The following RAD51B variants were observed in gnomAD, a reference collection of about 807,000 sequenced individuals.
The protein encoded by RAD51B is DNA repair protein RAD51 homolog 2.
A neutral mutation model predicts 42.2 loss-of-function variants in RAD51B; 38 were observed. That is an observed-to-expected ratio of 0.90 (90% confidence interval 0.70 to 1.18). RAD51B has a LOEUF of 1.18. Among genes scored for constraint, RAD51B ranks in the 50% most tolerant of loss-of-function variants. The probability of loss-of-function intolerance (pLI) is 0.00; values close to 1 mark genes in which losing one functional copy is unlikely to be tolerated. For synonymous variants in RAD51B, 154 were observed against 145.2 expected (o/e 1.06, Z -0.43); for missense variants, 373 against 400.7 (o/e 0.93, Z 0.59).
At chr14:68,405,216 C>T (rs960537945) in intron 8 of RAD51B, among the ~76,000 whole-genome samples, 1 of 152,176 alleles carries the variant, frequency 6.6e-6, no homozygotes, top group South Asian at 2.1e-4. Context: ...GTGCCTAGCA[C>T]ATAGTACCTT....
At chr14:67,960,288 T>C (rs954573827) in intron 7 of RAD51B, among the ~76,000 whole-genome samples, 4 of 152,238 alleles carry the variant, frequency 2.6e-5, no homozygotes, top group African/African-American at 9.6e-5. Flanking sequence ...CTCAACTTTA[T>C]AAATGGTTTG....
chr14:68,647,640 C>A (rs1892589070), intron 10 of RAD51B, among the ~76,000 whole-genome samples: 1 of 152,108 alleles, frequency 6.6e-6, no homozygotes, highest in African/African-American at 2.4e-5. Flanking sequence ...TTATATGGTG[C>A]TTTTGTGAAC....
At chr14:68,531,302 G>A (rs1594947467) in intron 10 of RAD51B, among the ~76,000 whole-genome samples, 1 of 152,248 alleles carries the variant, frequency 6.6e-6, no homozygotes, top group Non-Finnish European at 1.5e-5. Flanking sequence ...CTGATTAAAT[G>A]TGTCTATTAA....
chr14:68,554,209 C>A (rs1888716383), intron 10 of RAD51B, among the ~76,000 whole-genome samples: 1 of 152,176 alleles, frequency 6.6e-6, no homozygotes, highest in Non-Finnish European at 1.5e-5. Context: ...ATTAATGTGA[C>A]CATCTCTTCT....
chr14:68,424,508 T>C (rs377473521), intron 9 of RAD51B, among the ~76,000 whole-genome samples: 22 of 152,356 alleles, frequency 1.4e-4, no homozygotes, highest in African/African-American at 5.3e-4. Context: ...TTTGTAACTA[T>C]TTATGCAGTG....
intron 7 of RAD51B, among the ~76,000 whole-genome samples, chr14:68,290,188 A>G (rs2081488805): frequency 6.6e-6 from 1 of 152,208 alleles, no homozygotes; most frequent in Admixed American, 6.5e-5. Context: ...CAACAAAACC[A>G]TAGCTGACCC....
intron 10 of RAD51B, among the ~76,000 whole-genome samples, chr14:68,559,670 C>T (rs374238774): frequency 1.0e-3 from 155 of 152,254 alleles, no homozygotes; most frequent in Admixed American, 1.7e-3. Context: ...TGGGTCACTG[C>T]GCCCCCAGGA....
intron 10 of RAD51B, among the ~76,000 whole-genome samples, chr14:68,551,713 G>A (rs939606372): frequency 1.3e-5 from 2 of 152,184 alleles, no homozygotes; most frequent in African/African-American, 4.8e-5. Flanking sequence ...ATTTTAGACT[G>A]TGATATCCTT....
intron 8 of RAD51B, among the ~76,000 whole-genome samples, chr14:68,307,215 A>G (rs564841883): frequency 6.6e-6 from 1 of 152,312 alleles, no homozygotes; most frequent in African/African-American, 2.4e-5. Context: ...GCTCAAGGAA[A>G]TAAAGTGAAC....
intron 9 of RAD51B, among the ~76,000 whole-genome samples, chr14:68,417,487 T>C (rs1594806496): frequency 6.6e-6 from 1 of 152,192 alleles, no homozygotes; most frequent in Non-Finnish European, 1.5e-5. Context: ...ACAGAAGTGC[T>C]CTAACAGGTA....
intron 7 of RAD51B, among the ~76,000 whole-genome samples, chr14:68,018,009 G>A (rs995736887): frequency 1.3e-4 from 19 of 146,706 alleles, no homozygotes; most frequent in Admixed American, 2.0e-4. Context: ...AATTTTAACT[G>A]CAGAATTACC....
intron 7 of RAD51B, among the ~76,000 whole-genome samples, chr14:67,945,610 A>G (rs567676225): frequency 6.6e-6 from 1 of 152,228 alleles, no homozygotes; most frequent in East Asian, 1.9e-4. Context: ...AGCTGGGATT[A>G]CAGGCACACG....
intron 7 of RAD51B, among the ~76,000 whole-genome samples, chr14:68,285,858 T>C (rs1000799482): frequency 5.9e-5 from 9 of 152,176 alleles, no homozygotes; most frequent in Admixed American, 1.3e-4. Context: ...TAACCACATG[T>C]TATCAAGAGC....
In RAD51B at chr14:68,495,328, C is replaced by T. The variant is rs528576690; in HGVS notation, c.1036+27078C>T. ...TTTGTTCAGACCCCTTTGTCTTCCA[C>T]TGGCGCAACCGAGAGAGGATTCCTC... On this transcript the variant is annotated intron_variant, in intron 10 of 10. Coordinates refer to the RAD51B transcript ENST00000487270. Among the ~76,000 whole-genome samples, 47 of 152,322 alleles carry T rather than the reference C, an allele frequency of 3.1e-4. 2 individuals are homozygous for T. The South Asian group carries it at 5.4e-3, about 17-fold the overall frequency.
chr14:68,504,680 T>TTTTTTTTTTTTTTTA (rs58954673), intron 10 of RAD51B, among the ~76,000 whole-genome samples: 1 of 135,282 alleles, frequency 7.4e-6, no homozygotes, highest in African/African-American at 2.7e-5. Context: ...TTTTTTTTTT[T>TTTTTTTTTTTTTTTA]TTTTTTTGCT....
chr14:68,545,951 C>T (rs942393889), intron 10 of RAD51B, among the ~76,000 whole-genome samples: 1 of 152,298 alleles, frequency 6.6e-6, no homozygotes, highest in South Asian at 2.1e-4. Context: ...CCCATTATTT[C>T]CTACCCTGCA....
intron 7 of RAD51B, among the ~76,000 whole-genome samples, chr14:68,201,846 A>T (rs1385344632): frequency 6.6e-6 from 1 of 152,180 alleles, no homozygotes; most frequent in East Asian, 1.9e-4. Context: ...GGCATTTAAG[A>T]TATGTTGCCT....
At chr14:68,596,962 C>T (rs562903716), downstream of RAD51B, among the ~76,000 whole-genome samples, 9 of 152,332 alleles carry the variant, frequency 5.9e-5, no homozygotes, top group East Asian at 7.7e-4. Context: ...TTCTGGTTCA[C>T]GGTGAGATGG....
chr14:67,844,799 GT>G, intron 4 of RAD51B, among the ~76,000 whole-genome samples: 2 of 152,046 alleles, frequency 1.3e-5, no homozygotes, highest in African/African-American at 4.8e-5. Context: ...GCCCCAGTGT[GT>G]GATGTTCCCC....
Sources: gnomAD v4.1 joint callset for allele counts (sites outside exome capture counted in the v4.1 genomes callset) on GRCh38, gnomAD v4.1.1 for gene constraint, MANE v1.5 for transcripts, NCBI Gene and HGNC (gene_info 2026-07-23, HGNC 2026-07-21) for gene names.